Variants in A1CF observed in about 807,000 individuals in gnomAD.
A1CF encodes APOBEC1 complementation factor.
A1CF carries 48 observed loss-of-function variants against 68.9 expected under a neutral mutation model. The observed-to-expected ratio is 0.70, with a 90% CI of 0.55 to 0.89. The LOEUF (loss-of-function observed/expected upper bound fraction) is 0.89. Ranked by LOEUF, A1CF falls within the 40% of genes least tolerant of loss-of-function variation. A1CF has a pLI of 0.00. For missense variants in A1CF, 653 were observed against 718.9 expected (o/e 0.91, Z 1.05); for synonymous variants, 272 against 260.4 (o/e 1.04, Z -0.43).
At chr10:50,859,287 TATAA>T (rs1840628593) in intron 3 of A1CF, among the ~76,000 whole-genome samples, 1 of 152,226 alleles carries the variant, frequency 6.6e-6, no homozygotes, top group South Asian at 2.1e-4. Flanking sequence ...AGGCAGTGTC[TATAA>T]ATAGACAGTT....
chr10:50,875,911 C>G (rs982415429), intron 1 of A1CF, among the ~76,000 whole-genome samples: 1 of 152,224 alleles, frequency 6.6e-6, no homozygotes, highest in African/African-American at 2.4e-5. Context: ...AGCCCCTTAA[C>G]CTGACATTCA....
At position 50,844,354 on chromosome 10, in the gene A1CF, G is replaced by A. The variant is rs931835544; in HGVS notation, c.100-232C>T. ...TAAACATTGTGAAAACTTGTAAACT[G>A]CTAGGCAAATATTTTTTTTTTCTTT... On this transcript the variant is annotated intron_variant, in intron 3 of 12. Coordinates refer to ENST00000373997, the MANE Select transcript of A1CF (RefSeq NM_014576.4). Among the ~76,000 whole-genome samples the A allele has an allele frequency of 6.6e-5, 10 of 151,536 alleles. No homozygotes were observed. In the South Asian group the frequency reaches 1.2e-3, roughly 19 times the overall value.
rs1343018155 is a variant in A1CF, at chr10:50,811,054, GC to G, written c.1445del (p.Ser482ThrfsTer14). ...LYKITIPALA[S>X]QNPAIHPFTP... ...AAGTTACGCACATTGCAGGATTCTG[GC>G]TGGCTAGAGCAGGAATAGTTATTTT... On this transcript the variant is annotated frameshift_variant, in exon 11 of 13. Coordinates refer to ENST00000373997, the MANE Select transcript of A1CF (RefSeq NM_014576.4). LOFTEE classifies it high-confidence loss of function. 2 of 1,612,530 alleles carry G rather than the reference GC, an allele frequency of 1.2e-6. No homozygotes were observed. Among genetic ancestry groups the G allele is most frequent in the African/African-American group, 2.7e-5 (2 of 74,876 alleles).
chr10:50,826,300 T>C (rs1280385563), intron 7 of A1CF, among the ~76,000 whole-genome samples: 1 of 152,142 alleles, frequency 6.6e-6, no homozygotes, highest in African/African-American at 2.4e-5. Context: ...GGCTTGATTT[T>C]CTAATCCAAA....
In A1CF at chr10:50,828,197, C is replaced by T. The variant is rs1375417429; in HGVS notation, c.703G>A (p.Val235Ile). The T allele has an allele frequency of 6.2e-7, 1 of 1,609,706 alleles. No individual in the cohort carries two copies. The highest frequency in any genetic ancestry group is 2.2e-5 in the East Asian group (1 of 44,786). ...GAGGTAGACAGCATAAGATTTCTTA[C>T]ATATAGGATTTTCACTGAAGACATT... is the stretch of plus-strand genomic sequence containing the variant. ...DTMSSVKILY[V>I]RNLMLSTSEE... The change falls in exon 7 of 13, where the codon GTA (valine) becomes ATA (isoleucine). Residue 235 changes from valine (V) to isoleucine (I), a missense_variant. Transcript: ENST00000373997.
At chr10:50,866,291 A>G (rs1246892996) in intron 1 of A1CF, among the ~76,000 whole-genome samples, 3 of 152,220 alleles carry the variant, frequency 2.0e-5, no homozygotes, top group African/African-American at 4.8e-5. Flanking sequence ...ACACTTTTCT[A>G]TCTCTTTCTG....
At chr10:50,843,905 A>T in intron 4 of A1CF, 83 bp downstream of exon 4, 1 of 1,530,212 alleles carries the variant, frequency 6.5e-7, no homozygotes, top group Non-Finnish European at 8.9e-7. Flanking sequence ...CTGACCAAGA[A>T]GGCTGAGAAT....
At chr10:50,876,919 G>C (rs1260017078) in intron 1 of A1CF, among the ~76,000 whole-genome samples, 2 of 151,902 alleles carry the variant, frequency 1.3e-5, no homozygotes, top group South Asian at 2.1e-4. Flanking sequence ...TTTTCTTCTA[G>C]AGAACACTGA....
intron 2 of A1CF, among the ~76,000 whole-genome samples, chr10:50,860,435 A>T (rs2132529723): frequency 6.6e-6 from 1 of 152,342 alleles, no homozygotes; most frequent in South Asian, 2.1e-4. Context: ...ATAGTTATCT[A>T]CTTATTCTCC....
intron 3 of A1CF, among the ~76,000 whole-genome samples, chr10:50,849,677 A>G (rs1840145285): frequency 6.6e-6 from 1 of 152,078 alleles, no homozygotes; most frequent in African/African-American, 2.4e-5. Flanking sequence ...TTTAATGTAC[A>G]TTAGAAAAAG....
intron 7 of A1CF, chr10:50,824,349 C>T (rs937200161): frequency 7.2e-5 from 11 of 152,042 alleles, no homozygotes; most frequent in Admixed American, 3.3e-4. Flanking sequence ...GTTTCTCATT[C>T]TAGCCCTTGG....
chr10:50,865,588 A>G (rs752900434), intron 1 of A1CF, among the ~76,000 whole-genome samples: 1 of 152,130 alleles, frequency 6.6e-6, no homozygotes, highest in Non-Finnish European at 1.5e-5. Context: ...TCAGGACTAG[A>G]CCCTAGACTC....
chr10:50,859,969 T>C lies in A1CF; in HGVS notation c.-29A>G. On this transcript the variant is annotated 5_prime_UTR_variant, in exon 3 of 13. Transcript: ENST00000373997. ...GAGTGATTATCAGCAAAAAATCAGG[T>C]TAATTAGGGTTGCTCACTGAAACCA... is the stretch of plus-strand genomic sequence containing the variant. 1 of 1,594,292 alleles carries C rather than the reference T, an allele frequency of 6.3e-7. No homozygotes were observed. Among genetic ancestry groups the C allele is most frequent in the African/African-American group, 1.3e-5 (1 of 74,582 alleles).
At chr10:50,822,746 A>G (rs559130522) in intron 7 of A1CF, 1 of 152,204 alleles carries the variant, frequency 6.6e-6, no homozygotes. Flanking sequence ...CATTCCTTTC[A>G]GTGTCACATG....
At chr10:50,870,292 G>A (rs1841192918) in intron 1 of A1CF, among the ~76,000 whole-genome samples, 1 of 151,800 alleles carries the variant, frequency 6.6e-6, no homozygotes, top group Admixed American at 6.6e-5. Flanking sequence ...GGAAAAGAAT[G>A]AAATGGACAA....
Position 50,821,997 on chromosome 10 carries a change from G to A in A1CF, c.770-1348C>T, listed in dbSNP as rs368721386. 5.9e-5 allele frequency among the ~76,000 whole-genome samples: 9 copies of A among 152,208 alleles called. No homozygotes were observed. In the East Asian group the frequency reaches 1.2e-3, roughly 20 times the overall value. On this transcript the variant is annotated intron_variant, in intron 7 of 12. Transcript: ENST00000373997. Reference sequence around the variant, plus strand: ...GATAGAGACCAAACTCTTAACAGAGGTTACTTCAGGAATGGGGAGAAAAGT... The same window carrying A: ...GATAGAGACCAAACTCTTAACAGAGATTACTTCAGGAATGGGGAGAAAAGT...
At chr10:50,878,694 C>T (rs2132620043) in intron 1 of A1CF, among the ~76,000 whole-genome samples, 1 of 152,142 alleles carries the variant, frequency 6.6e-6, no homozygotes, top group Admixed American at 6.5e-5. Context: ...TCAGAGAAAA[C>T]TAAGAGTTTC....
At chr10:50,839,947 G>T (rs999519924) in intron 5 of A1CF, among the ~76,000 whole-genome samples, 1 of 152,110 alleles carries the variant, frequency 6.6e-6, no homozygotes, top group South Asian at 2.1e-4. Context: ...TCTCCAGGTT[G>T]GTCAGGCTGG....
At chr10:50,812,092 T>C (rs1838141139) in intron 10 of A1CF, among the ~76,000 whole-genome samples, 1 of 152,264 alleles carries the variant, frequency 6.6e-6, no homozygotes, top group South Asian at 2.1e-4. Flanking sequence ...CTGTTTTTTC[T>C]ATTGATATTT....
Sources: gnomAD v4.1 joint callset for allele counts (sites outside exome capture counted in the v4.1 genomes callset) on GRCh38, gnomAD v4.1.1 for gene constraint, MANE v1.5 for transcripts, NCBI Gene and HGNC (gene_info 2026-07-23, HGNC 2026-07-21) for gene names.